The following ATXN7L1 variants were observed in gnomAD, a reference collection of about 807,000 sequenced individuals.
ATXN7L1 encodes the protein ataxin 7 like 1.
Under a neutral mutation model 70.8 loss-of-function variants are expected in ATXN7L1, and 15 were observed. That is an observed-to-expected ratio of 0.21 (90% CI 0.14 to 0.33). ATXN7L1 has a LOEUF of 0.33. Among genes scored for constraint, ATXN7L1 ranks in the 10% least tolerant of loss-of-function variants. ATXN7L1 has a pLI of 1.00. For synonymous variants in ATXN7L1, 440 were observed against 445.1 expected, an observed-to-expected ratio of 0.99 and a Z score of 0.14; for missense variants, 975 against 1,097.1, an observed-to-expected ratio of 0.89 and a Z score of 1.57.
intron 3 of ATXN7L1, among the ~76,000 whole-genome samples, chr7:105,754,360 G>C (rs139619418): frequency 2.0e-4 from 31 of 151,746 alleles, no homozygotes; most frequent in African/African-American, 5.6e-4. Flanking sequence ...TGTTAGTCTG[G>C]TCCCTTGTTT....
chr7:105,867,654 T>C (rs1301038699), intron 2 of ATXN7L1, among the ~76,000 whole-genome samples: 1 of 152,242 alleles, frequency 6.6e-6, no homozygotes, highest in African/African-American at 2.4e-5. Flanking sequence ...AGTACAGGTA[T>C]ATCTGCTGAG....
Position 105,848,793 on chromosome 7 carries a change from T to C in ATXN7L1, c.250+27019A>G, listed in dbSNP as rs12669048. Among the ~76,000 whole-genome samples the C allele has an allele frequency of 1.8e-4, 28 of 152,262 alleles. No individual in the cohort carries two copies. The East Asian group carries it at 5.0e-3, about 27-fold the overall frequency. The stretch of plus-strand genomic sequence containing the variant: ...GGTCCAGGCCCTCCATGATTGCAGC[T>C]CCGTGCACCCAGCCTAGAGCATGCT... On this transcript the variant is annotated intron_variant, in intron 2 of 11. Transcript: ENST00000419735.
intron 5 of ATXN7L1, 50 bp downstream of exon 5, chr7:105,642,788 C>G: frequency 3.3e-6 from 5 of 1,502,244 alleles, no homozygotes; most frequent in Non-Finnish European, 4.5e-6. Context: ...ATGGCTGCGA[C>G]TCCCTTTCAG....
At chr7:105,835,159 T>G (rs1479665952) in intron 2 of ATXN7L1, among the ~76,000 whole-genome samples, 2 of 140,818 alleles carry the variant, frequency 1.4e-5, no homozygotes, top group African/African-American at 5.3e-5. Context: ...GTTTTTTTTT[T>G]TTTTTTTTTT....
chr7:105,629,601 C>T (rs1339615653), intron 7 of ATXN7L1, among the ~76,000 whole-genome samples: 1 of 151,396 alleles, frequency 6.6e-6, no homozygotes, highest in South Asian at 2.1e-4. Flanking sequence ...GTGCAACCTC[C>T]GCCTTCTGGG....
chr7:105,667,524 C>T (rs1177067689), intron 3 of ATXN7L1, among the ~76,000 whole-genome samples: 1 of 136,620 alleles, frequency 7.3e-6, no homozygotes, highest in Non-Finnish European at 1.6e-5. Context: ...ATGGTGAAAC[C>T]CCGTCTCTAC....
intron 8 of ATXN7L1, among the ~76,000 whole-genome samples, chr7:105,623,844 T>G (rs1466037588): frequency 2.0e-5 from 3 of 152,240 alleles, no homozygotes; most frequent in African/African-American, 7.2e-5. Context: ...TTTTTTCTTT[T>G]TAGTAGTATG....
chr7:105,792,827 G>A (rs1327503740), intron 2 of ATXN7L1, among the ~76,000 whole-genome samples: 1 of 152,018 alleles, frequency 6.6e-6, no homozygotes, highest in Admixed American at 6.5e-5. Flanking sequence ...GAATAAAAAC[G>A]GGCAAAAAAG....
At chr7:105,858,161 G>T (rs1816015480) in intron 2 of ATXN7L1, among the ~76,000 whole-genome samples, 5 of 152,104 alleles carry the variant, frequency 3.3e-5, no homozygotes, top group Admixed American at 3.3e-4. Context: ...AATCAAGGAG[G>T]TCAAGGCTGC....
chr7:105,776,491 C>G (rs1173022742), intron 3 of ATXN7L1, among the ~76,000 whole-genome samples: 1 of 101,068 alleles, frequency 9.9e-6, no homozygotes, highest in South Asian at 2.8e-4. Context: ...AACAAACAAA[C>G]AACCCCCCCC....
chr7:105,613,824 C>A, intron 10 of ATXN7L1, 38 bp downstream of exon 10: 2 of 1,551,732 alleles, frequency 1.3e-6, no homozygotes, highest in Non-Finnish European at 1.7e-6. Context: ...CCCCCTGCCC[C>A]CCAGAGCCGG....
intron 2 of ATXN7L1, among the ~76,000 whole-genome samples, chr7:105,793,681 A>G (rs1382793971): frequency 6.6e-6 from 1 of 152,176 alleles, no homozygotes; most frequent in African/African-American, 2.4e-5. Flanking sequence ...ATGTACAACC[A>G]TCTCCCAAAG....
chr7:105,637,696 G>A (rs1797589668), intron 7 of ATXN7L1, among the ~76,000 whole-genome samples: 1 of 152,178 alleles, frequency 6.6e-6, no homozygotes, highest in South Asian at 2.1e-4. Flanking sequence ...CCAAATGAGT[G>A]TTAATTCTGT....
intron 9 of ATXN7L1, among the ~76,000 whole-genome samples, chr7:105,617,208 T>C (rs927099439): frequency 2.6e-5 from 4 of 152,178 alleles, no homozygotes; most frequent in Admixed American, 6.5e-5. Context: ...TTGTTTTTAG[T>C]AGAGACGGGG....
intron 2 of ATXN7L1, among the ~76,000 whole-genome samples, chr7:105,797,593 G>T (rs1391495017): frequency 2.6e-5 from 4 of 152,234 alleles, no homozygotes; most frequent in Admixed American, 2.6e-4. Flanking sequence ...TTTGGCATTT[G>T]GCTTATAATC....
At chr7:105,849,323 G>A (rs530968344) in intron 2 of ATXN7L1, among the ~76,000 whole-genome samples, 1 of 152,350 alleles carries the variant, frequency 6.6e-6, no homozygotes, top group East Asian at 1.9e-4. Flanking sequence ...ATGCAGGTGG[G>A]GAGGGCTCTG....
intron 3 of ATXN7L1, among the ~76,000 whole-genome samples, chr7:105,775,059 G>A (rs1802535015): frequency 6.6e-6 from 1 of 152,130 alleles, no homozygotes; most frequent in Non-Finnish European, 1.5e-5. Context: ...ATTCATCATA[G>A]TGAAATGGTT....
intron 3 of ATXN7L1, among the ~76,000 whole-genome samples, chr7:105,728,524 A>T (rs751992093): frequency 3.9e-5 from 6 of 152,208 alleles, no homozygotes; most frequent in Admixed American, 6.5e-5. Context: ...AGAAATATTT[A>T]TAGGTATATG....
intron 3 of ATXN7L1, among the ~76,000 whole-genome samples, chr7:105,673,159 A>C (rs1036119517): frequency 6.6e-6 from 1 of 152,204 alleles, no homozygotes. Flanking sequence ...GATAAAATCC[A>C]TCAGGTTCTC....
Sources: gnomAD v4.1 joint callset for allele counts (sites outside exome capture counted in the v4.1 genomes callset) on GRCh38, gnomAD v4.1.1 for gene constraint, MANE v1.5 for transcripts, NCBI Gene and HGNC (gene_info 2026-07-23, HGNC 2026-07-21) for gene names.